PTCD3: variants seen among roughly 807,000 people sequenced by gnomAD.
PTCD3 encodes pentatricopeptide repeat domain 3, also known as small ribosomal subunit protein mS39.
PTCD3 carries 89 observed loss-of-function variants against 101.9 expected under a neutral mutation model. That is an observed-to-expected ratio of 0.87 (90% CI 0.74 to 1.04). The LOEUF (loss-of-function observed/expected upper bound fraction) is 1.04, where lower values mean the gene tolerates loss of function less well. Among genes scored for constraint, PTCD3 ranks in the 50% least tolerant of loss-of-function variants. The pLI, the probability that PTCD3 is intolerant of heterozygous loss-of-function variation, is 0.00. For synonymous variants in PTCD3, 296 were observed against 278.5 expected (o/e 1.06, Z -0.63); for missense variants, 870 against 828.2 (o/e 1.05, Z -0.62).
At chr2:86,135,987 G>C (rs751067038) in intron 21 of PTCD3, 1 of 519,086 alleles carries the variant, frequency 1.9e-6, no homozygotes. Context: ...ACATGAGACT[G>C]TTGCCTCAAT....
At chr2:86,126,671 C>G (rs1674397925) in intron 12 of PTCD3, among the ~76,000 whole-genome samples, 1 of 151,912 alleles carries the variant, frequency 6.6e-6, no homozygotes. Context: ...CCCGTCTCTA[C>G]TACAAAAATA....
chr2:86,127,055 C>T lies in PTCD3; in HGVS notation c.952-106C>T, dbSNP rs1179767879. On this transcript the variant is annotated intron_variant, in intron 12 of 23. Coordinates refer to ENST00000254630, the MANE Select transcript of PTCD3 (RefSeq NM_017952.6). ...AAAGAGGGATATAGTTACTAACCTG[C>T]TTTAAACATAAGCAAGAAAGCTAAA... is the stretch of plus-strand genomic sequence containing the variant. The T allele has an allele frequency of 7.9e-6, 8 of 1,014,548 alleles. No individual in the cohort carries two copies. The Admixed American group carries it at 1.4e-4, about 18-fold the overall frequency. 62.8% of individuals were successfully genotyped at this position (1,014,548 alleles called of 1,614,324 possible).
chr2:86,121,429 A>T (rs766764527), intron 7 of PTCD3, 50 bp from the exon 8 acceptor site: 3 of 1,165,302 alleles, frequency 2.6e-6, no homozygotes, highest in Non-Finnish European at 3.7e-6. Flanking sequence ...AACAGGCTTT[A>T]GTTCTTCATT....
rs547942938 is a variant in PTCD3 at position 86,125,057 on chromosome 2, G to A, written c.779G>A (p.Cys260Tyr). 2 of 1,614,002 alleles carry A rather than the reference G, an allele frequency of 1.2e-6. No homozygotes were observed. Among genetic ancestry groups the A allele is most frequent in the Non-Finnish European group, 1.7e-6 (2 of 1,179,982 alleles). ...CCAGAGAAAAATGAACATTCCTATT[G>A]CACAATGATCCGAGGAATGGTGAAG... ...LMPEKNEHSYCTMIRGMVKHR... is the reference protein window; with the variant it reads ...LMPEKNEHSYYTMIRGMVKHR... Residue 260 changes from cysteine (C) to tyrosine (Y), a missense_variant, in exon 10 of 24, where the codon TGC (cysteine) becomes TAC (tyrosine). Transcript: ENST00000254630.
At chr2:86,136,457 G>C in intron 21 of PTCD3, 64 bp from the exon 22 acceptor site, 1 of 1,450,656 alleles carries the variant, frequency 6.9e-7, no homozygotes, top group African/African-American at 1.4e-5. Context: ...AGAGAAGACA[G>C]CTATAGTGTC....
intron 6 of PTCD3, among the ~76,000 whole-genome samples, chr2:86,117,992 G>A (rs1019150545): frequency 6.6e-6 from 1 of 152,132 alleles, no homozygotes; most frequent in African/African-American, 2.4e-5. Flanking sequence ...GGCCAGGCTG[G>A]TCTTGAACTC....
intron 9 of PTCD3, 72 bp from the exon 10 acceptor site, chr2:86,124,923 C>A (rs1202045926): frequency 3.2e-6 from 5 of 1,567,550 alleles, no homozygotes; most frequent in East Asian, 4.6e-5. Context: ...CATAATAAAC[C>A]GTCAGTAAAT....
intron 17 of PTCD3, chr2:86,132,845 G>A: frequency 5.7e-6 from 2 of 349,168 alleles, no homozygotes; most frequent in Non-Finnish European, 1.0e-5. Flanking sequence ...AAGGCAGCAT[G>A]TTAACAGATG....
chr2:86,133,404 A>G lies in PTCD3; in HGVS notation c.1511A>G (p.Asn504Ser), dbSNP rs762026012. The change falls in exon 19 of 24, where the codon AAT becomes AGT. Residue 504 changes from asparagine (N) to serine (S), a missense_variant. By Grantham distance (46) the Asn-to-Ser change is conservative. Transcript: ENST00000254630. ...IHLLQALDVA[N>S]RLEVIPKIWK... The stretch of plus-strand genomic sequence containing the variant: ...CTTCTCCAAGCATTGGATGTGGCCA[A>G]TCGGCTAGAAGTGATTCCTAAAATT... The G allele has an allele frequency of 2.9e-5, 47 of 1,614,064 alleles. No individual in the cohort carries two copies. The highest frequency in any genetic ancestry group is 1.6e-4 in the Middle Eastern group (1 of 6,084).
Position 86,134,356 on chromosome 2 carries a change from A to G in PTCD3, c.1608A>G (p.Ala536=), listed in dbSNP as rs755977815. 6.8e-6 allele frequency: 11 copies of G among 1,613,036 alleles called. No homozygotes were observed. In the African/African-American group the frequency reaches 1.5e-4, roughly 22 times the overall value. ...GAGAAGAGATCCTGATGCTCATGGC[A>G]AGGGACAAGCACCCACCAGAGGTAG... ...DLREEILMLM[A]RDKHPPELQV... is the part of the protein sequence containing the mutation. Residue 536 remains alanine, a synonymous_variant, in exon 20 of 24, where the codon GCA becomes GCG. Coordinates refer to ENST00000254630, the MANE Select transcript of PTCD3 (RefSeq NM_017952.6).
chr2:86,120,145 G>A (rs1172219708), intron 7 of PTCD3, among the ~76,000 whole-genome samples: 2 of 152,140 alleles, frequency 1.3e-5, no homozygotes, highest in African/African-American at 2.4e-5. Context: ...TTAGTGAGGC[G>A]CTTCCCTCTG....
Position 86,106,251 on chromosome 2 carries a change from G to A in PTCD3, c.4G>A (p.Ala2Thr), listed in dbSNP as rs1398657660. The A allele has an allele frequency of 3.1e-6, 5 of 1,614,022 alleles. No individual in the cohort carries two copies. Among genetic ancestry groups the A allele is most frequent in the Non-Finnish European group, 3.4e-6 (4 of 1,179,964 alleles). ...ATGCTCTGCAGAGAAATCAAAGATG[G>A]CGGTTGTATCTGCTGTTCGCTGGCT... M[A>T]VVSAVRWLGL... The change falls in exon 1 of 24, where the codon GCG becomes ACG. Residue 2 changes from alanine (A) to threonine (T), a missense_variant. Transcript: ENST00000254630.
chr2:86,119,651 C>G (rs1338116483), intron 7 of PTCD3: 1 of 152,380 alleles, frequency 6.6e-6, no homozygotes, highest in Non-Finnish European at 1.5e-5. Flanking sequence ...CCACCGCGCC[C>G]AGCTTTCCTA....
rs1674620803 is a variant in PTCD3, at chr2:86,137,931, G to T, written c.*372G>T. The T allele has an allele frequency of 1.3e-5, 3 of 229,878 alleles. No homozygotes were observed. Among genetic ancestry groups the T allele is most frequent in the Non-Finnish European group, 2.7e-5 (3 of 112,502 alleles). 14.2% of individuals were successfully genotyped at this position (229,878 alleles called of 1,614,324 possible). On this transcript the variant is annotated 3_prime_UTR_variant, in exon 24 of 24. Coordinates refer to ENST00000254630, the MANE Select transcript of PTCD3 (RefSeq NM_017952.6). Reference sequence around the variant, plus strand: ...CTCCTGCTGCTGGACTTCTGCCTTTGTTGGCCTGATGTGCTGCTGTGATGC... The same window carrying T: ...CTCCTGCTGCTGGACTTCTGCCTTTTTTGGCCTGATGTGCTGCTGTGATGC...
intron 16 of PTCD3, among the ~76,000 whole-genome samples, chr2:86,131,772 T>A (rs1280869535): frequency 6.6e-6 from 1 of 152,224 alleles, no homozygotes; most frequent in Non-Finnish European, 1.5e-5. Flanking sequence ...CAAAAGTAAT[T>A]GTGGCCTTTG....
chr2:86,124,027 A>G (rs527807485), intron 9 of PTCD3, among the ~76,000 whole-genome samples: 5 of 152,100 alleles, frequency 3.3e-5, no homozygotes, highest in Non-Finnish European at 4.4e-5. Flanking sequence ...TTCATATGGT[A>G]TGGTTCCTTT....
rs1674656254 is a variant in PTCD3, at chr2:86,140,056, T to C, written c.*2497T>C. On this transcript the variant is annotated 3_prime_UTR_variant, in exon 24 of 24. Transcript: ENST00000254630. The stretch of plus-strand genomic sequence containing the variant: ...AAACTCAAATCTGGCACGTAGGTGC[T>C]TCTTAGTAAATGCTTAATGAATGCC... 6.6e-6 allele frequency: 1 copy of C among 152,236 alleles called. No individual in the cohort carries two copies. Among genetic ancestry groups the C allele is most frequent in the South Asian group, 2.1e-4 (1 of 4,832 alleles). 9.4% of individuals were successfully genotyped at this position (152,236 alleles called of 1,614,324 possible). A position where few individuals can be genotyped will look rare whatever the true frequency, so the allele number is the denominator to read the frequency against.
At chr2:86,123,832 G>A (rs1285142478) in intron 9 of PTCD3, 70 bp downstream of exon 9, 4 of 1,009,920 alleles carry the variant, frequency 4.0e-6, no homozygotes, top group African/African-American at 1.7e-5. Flanking sequence ...CCATCACCCT[G>A]TGAAGATGTT....
At chr2:86,132,625 T>TTTTG (rs1674513263) in intron 17 of PTCD3, 26 of 208,292 alleles carry the variant, frequency 1.2e-4, no homozygotes, top group Non-Finnish European at 1.6e-4. Context: ...TTTAAGGGTT[T>TTTTG]TTTTTTTTTT....
Sources: allele counts gnomAD v4.1 joint callset (sites outside exome capture counted in the v4.1 genomes callset), GRCh38; gene constraint gnomAD v4.1.1; transcripts MANE v1.5; gene names NCBI Gene and HGNC (gene_info 2026-07-23, HGNC 2026-07-21).